The following C1orf167 variants were observed in gnomAD, a reference collection of about 807,000 sequenced individuals.
C1orf167 encodes the protein chromosome 1 open reading frame 167, also known as uncharacterized protein C1orf167.
A neutral mutation model predicts 176.5 loss-of-function variants in C1orf167; 153 were observed. The ratio of observed to expected loss-of-function variants is 0.87; its 90% CI spans 0.76 to 0.99. The LOEUF is 0.99. C1orf167 is among the 50% of genes least tolerant of loss of function. C1orf167 has a pLI of 0.00. For missense variants in C1orf167, 1,490 were observed against 1,817.7 expected (o/e 0.82, Z 3.28); for synonymous variants, 594 against 752.7 (o/e 0.79, Z 3.45).
At position 11,785,227 on chromosome 1, in the gene C1orf167, C is replaced by T. The variant is rs1275852765; in HGVS notation, c.3505C>T (p.Leu1169Phe). The change falls in exon 16 of 21, where the codon CTC becomes TTC. Residue 1169 changes from leucine (L) to phenylalanine (F), a missense_variant. Transcript: ENST00000688073. ...AILTQLRPAE[L>F]RRFLRTVQLR... ...CCTCACCCAGCTCCGGCCGGCTGAG[C>T]TCAGGCGCTTCCTGCGGACAGTGCA... is the stretch of plus-strand genomic sequence containing the variant. 18 of 1,291,540 alleles carry T rather than the reference C, an allele frequency of 1.4e-5. No individual in the cohort carries two copies. The highest frequency in any genetic ancestry group is 1.7e-5 in the Non-Finnish European group (17 of 988,816). The allele number at this position is 1,291,540 out of a possible 1,614,324, so 80.0% of individuals were successfully genotyped here.
chr1:11,787,722 C>T (rs1643924723), intron 17 of C1orf167, 151 bp from the exon 18 acceptor site: 3 of 1,106,384 alleles, frequency 2.7e-6, no homozygotes, highest in Non-Finnish European at 3.5e-6. Context: ...CCGGGAGAGG[C>T]TGGAGGCCTG....
chr1:11,788,410 A>G lies in C1orf167; in HGVS notation c.4078+32A>G, dbSNP rs755339389. On this transcript the variant is annotated intron_variant, in intron 19 of 20. Coordinates refer to ENST00000688073, the MANE Select transcript of C1orf167 (RefSeq NM_001010881.2). ...GGGTGCACCCCTCTCCACACTGACC[A>G]TCTCCCATTTCACCTCATACTTAAC... is the stretch of plus-strand genomic sequence containing the variant. 12 of 1,272,108 alleles carry G rather than the reference A, an allele frequency of 9.4e-6. No homozygotes were observed. The South Asian group carries it at 1.3e-4, about 13-fold the overall frequency. 78.8% of individuals were successfully genotyped at this position (1,272,108 alleles called of 1,614,324 possible).
chr1:11,789,221 C>G, intron 20 of C1orf167, 49 bp from the exon 21 acceptor site: 1 of 1,294,666 alleles, frequency 7.7e-7, no homozygotes, highest in South Asian at 1.3e-5. Context: ...CAGCACAGAC[C>G]CCGGAGAAAG....
intron 1 of C1orf167, among the ~76,000 whole-genome samples, chr1:11,763,409 T>C (rs1344005414): frequency 6.9e-6 from 1 of 145,046 alleles, no homozygotes; most frequent in Non-Finnish European, 1.5e-5. Context: ...CACGCCATTG[T>C]ACCAGCCTGG....
rs3737967 is a variant in C1orf167, at chr1:11,787,392, G to A, written c.3572G>A (p.Arg1191His). ...RLGLPGAGKT[R>H]SCWTQATELV... is the part of the protein sequence containing the mutation. ...CCTCTCTGGCTATTCCTTCAGACCC[G>A]CAGCTGCTGGACACAGGCCACAGAG... The change falls in exon 17 of 21, where the codon CGC (arginine) becomes CAC (histidine). Residue 1191 changes from arginine (R) to histidine (H), a missense_variant. Coordinates refer to ENST00000688073, the MANE Select transcript of C1orf167 (RefSeq NM_001010881.2). 68,580 of 1,292,148 alleles carry A rather than the reference G, an allele frequency of 0.053. 2,364 individuals carry two copies. Among genetic ancestry groups the A allele is most frequent in the South Asian group, 0.13 (10,232 of 79,882 alleles). 80.0% of individuals were successfully genotyped at this position (1,292,148 alleles called of 1,614,324 possible).
At chr1:11,780,040 G>A (rs563660088) in intron 13 of C1orf167, 30 bp downstream of exon 13, 75 of 1,244,354 alleles carry the variant, frequency 6.0e-5, no homozygotes, top group South Asian at 1.5e-4. Context: ...GGGGCACTGC[G>A]GGTGAGGGCA....
chr1:11,769,255 A>C (rs547545622), intron 6 of C1orf167, 128 bp downstream of exon 6: 1 of 781,036 alleles, frequency 1.3e-6, no homozygotes, highest in East Asian at 1.3e-4. Context: ...ATTTATGCAA[A>C]AAAGATGTCC....
intron 14 of C1orf167, among the ~76,000 whole-genome samples, chr1:11,783,482 G>A (rs1392149528): frequency 6.6e-6 from 1 of 152,016 alleles, no homozygotes; most frequent in Non-Finnish European, 1.5e-5. Context: ...CCCGACCTCA[G>A]GTGATCCGCC....
At chr1:11,765,801 G>A (rs573363341) in intron 2 of C1orf167, 56 bp from the exon 3 acceptor site, 72 of 1,175,302 alleles carry the variant, frequency 6.1e-5, no homozygotes, top group East Asian at 3.7e-4. Flanking sequence ...GGAGAGCTTC[G>A]CCTGTCCCAC....
chr1:11,768,304 G>T lies in C1orf167; in HGVS notation c.1542+29G>T. Reference sequence around the variant, plus strand: ...AGCGGTCTCCAGGTTGGGCCAGGGGGCCGTGTGAAGCAGTGGTGTGTCTGG... The same window carrying T: ...AGCGGTCTCCAGGTTGGGCCAGGGGTCCGTGTGAAGCAGTGGTGTGTCTGG... On this transcript the variant is annotated intron_variant, in intron 5 of 20. Transcript: ENST00000688073. This position sits in a 1 kb window ranked among gnomAD's most constrained non-coding sequence, Gnocchi z 4.5. 1 of 1,287,094 alleles carries T rather than the reference G, an allele frequency of 7.8e-7. No homozygotes were observed. The highest frequency in any genetic ancestry group is 1.0e-6 in the Non-Finnish European group (1 of 986,728). The allele number at this position is 1,287,094 out of a possible 1,614,324, so 79.7% of individuals were successfully genotyped here.
chr1:11,781,142 C>T (rs1435943889), intron 13 of C1orf167, among the ~76,000 whole-genome samples: 1 of 151,598 alleles, frequency 6.6e-6, no homozygotes, highest in African/African-American at 2.4e-5. Flanking sequence ...GGATTACAGG[C>T]GCCTGCCACC....
intron 15 of C1orf167, 87 bp downstream of exon 15, chr1:11,784,680 A>C: frequency 8.5e-7 from 1 of 1,170,006 alleles, no homozygotes; most frequent in Non-Finnish European, 1.1e-6. Context: ...AGCGTAATTC[A>C]TGGCTGGGTG....
Position 11,775,421 on chromosome 1 carries a change from C to G in C1orf167, c.1989-14C>G. 7.8e-7 allele frequency: 1 copy of G among 1,283,824 alleles called. No homozygotes were observed. The highest frequency in any genetic ancestry group is 1.0e-6 in the Non-Finnish European group (1 of 978,606). The allele number at this position is 1,283,824 out of a possible 1,614,324, so 79.5% of individuals were successfully genotyped here. ...CTTGCAATTGACATGGGTACTTTCC[C>G]TCTGTTCTCCCAGGTGCTTCGGGGC... On this transcript the variant is annotated splice_polypyrimidine_tract_variant and intron_variant, in intron 8 of 20. Transcript: ENST00000688073.
chr1:11,787,611 A>C, intron 17 of C1orf167, 118 bp downstream of exon 17: 1 of 805,684 alleles, frequency 1.2e-6, no homozygotes, highest in South Asian at 1.9e-5. Context: ...TGTATTGACC[A>C]TTCTCCCCAT....
In C1orf167 at chr1:11,784,323, A is replaced by G; in HGVS notation, c.3155A>G (p.Glu1052Gly). ...CAGGAAGTGGCAGCCGGGGCACAGG[A>G]GCAGCGTGTGGCCCAGGCCTCCCTT... ...EAQEVAAGAQ[E>G]QRVAQASLAR... Residue 1052 changes from glutamate (E) to glycine (G), a missense_variant, in exon 15 of 21, where the codon GAG becomes GGG. Glu to Gly is a moderately conservative substitution (Grantham distance 98). Coordinates refer to ENST00000688073, the MANE Select transcript of C1orf167 (RefSeq NM_001010881.2). 1.5e-6 allele frequency: 2 copies of G among 1,303,780 alleles called. No individual in the cohort carries two copies. The highest frequency in any genetic ancestry group is 2.0e-6 in the Non-Finnish European group (2 of 988,744). 80.8% of individuals were successfully genotyped at this position (1,303,780 alleles called of 1,614,324 possible).
intron 13 of C1orf167, 39 bp downstream of exon 13, chr1:11,780,049 C>A: frequency 8.1e-7 from 1 of 1,231,310 alleles, no homozygotes; most frequent in Non-Finnish European, 1.1e-6. Context: ...CGGGTGAGGG[C>A]AGGGCCAGGG....
intron 6 of C1orf167, among the ~76,000 whole-genome samples, chr1:11,770,450 T>TTC (rs1553178759): frequency 4.6e-5 from 1 of 21,734 alleles, no homozygotes; most frequent in African/African-American, 9.5e-5. Flanking sequence ...TATATTTTTC[T>TTC]TTTTTTTTTT....
At position 11,778,949 on chromosome 1, in the gene C1orf167, G is replaced by T. The variant is rs547310548; in HGVS notation, c.2520G>T (p.Pro840=). The change falls in exon 12 of 21, where the codon CCG becomes CCT. Residue 840 remains proline, a synonymous_variant. Transcript: ENST00000688073. ...LEKVPRAPTL[P]DTLQGSLLWA... Reference sequence around the variant, plus strand: ...AGGTTCCCAGGGCCCCCACCCTCCCGGACACTCTCCAGGGGAGCCTTCTGT... The same window carrying T: ...AGGTTCCCAGGGCCCCCACCCTCCCTGACACTCTCCAGGGGAGCCTTCTGT... 1.5e-5 allele frequency: 19 copies of T among 1,303,578 alleles called. No homozygotes were observed. The highest frequency in any genetic ancestry group is 1.9e-5 in the Non-Finnish European group (19 of 988,616). 80.8% of individuals were successfully genotyped at this position (1,303,578 alleles called of 1,614,324 possible).
chr1:11,770,930 G>A (rs1177747043), intron 6 of C1orf167, among the ~76,000 whole-genome samples: 4 of 149,292 alleles, frequency 2.7e-5, no homozygotes, highest in East Asian at 1.9e-4. Context: ...TCAGCCTCCC[G>A]AGTAGCTGGG....
Sources: gnomAD v4.1 joint callset for allele counts (sites outside exome capture counted in the v4.1 genomes callset) on GRCh38, gnomAD v4.1.1 for gene constraint, Gnocchi (gnomAD v3.1) non-coding constraint, MANE v1.5 for transcripts, NCBI Gene and HGNC (gene_info 2026-07-23, HGNC 2026-07-21) for gene names.